The following DPP6 variants were observed in gnomAD, a reference collection of about 807,000 sequenced individuals.
DPP6 encodes dipeptidyl peptidase like 6.
A neutral mutation model predicts 122.6 loss-of-function variants in DPP6; 69 were observed. The ratio of observed to expected loss-of-function variants is 0.56; its 90% CI spans 0.46 to 0.69. DPP6 has a LOEUF of 0.69. DPP6 is among the 30% of genes least tolerant of loss of function. The pLI, the probability that DPP6 is intolerant of heterozygous loss-of-function variation, is 0.00. For synonymous variants in DPP6, 418 were observed against 433.1 expected (o/e 0.97, Z 0.43); for missense variants, 928 against 1,116.9 (o/e 0.83, Z 2.41).
At chr7:154,411,981 T>C (rs181108402) in intron 1 of DPP6, among the ~76,000 whole-genome samples, 1 of 152,228 alleles carries the variant, frequency 6.6e-6, no homozygotes, top group East Asian at 1.9e-4. Flanking sequence ...GAACTTGACT[T>C]CTCACCATTC....
chr7:154,785,601 C>T (rs147031869), intron 10 of DPP6, among the ~76,000 whole-genome samples: 75 of 152,322 alleles, frequency 4.9e-4, no homozygotes, highest in African/African-American at 1.6e-3. Context: ...CCCTTTCCTA[C>T]AAGTCCCTTT....
At chr7:154,590,722 C>T (rs543722688) in intron 5 of DPP6, among the ~76,000 whole-genome samples, 9 of 150,676 alleles carry the variant, frequency 6.0e-5, no homozygotes, top group South Asian at 2.1e-4. Context: ...TTAGTAGAGA[C>T]GGGGTTTCTC....
chr7:154,697,289 C>T (rs904727971), intron 7 of DPP6, among the ~76,000 whole-genome samples: 8 of 152,202 alleles, frequency 5.3e-5, no homozygotes, highest in Admixed American at 6.5e-5. Context: ...CAACCCAGGC[C>T]GCCATGACCG....
intron 1 of DPP6, among the ~76,000 whole-genome samples, chr7:153,921,548 A>C (rs140287818): frequency 1.0e-3 from 156 of 152,354 alleles, no homozygotes; most frequent in Middle Eastern, 3.4e-3. Context: ...CGTTTGATCC[A>C]GTAAAGTGTG....
At chr7:153,803,377 C>T in the DPP6 span, among the ~76,000 whole-genome samples, 2 of 151,392 alleles carry the variant, frequency 1.3e-5, no homozygotes, top group African/African-American at 2.4e-5. Context: ...CTTCCCCAAT[C>T]CATTGGGGCA....
intron 3 of DPP6, among the ~76,000 whole-genome samples, chr7:154,479,580 G>GAAAAAAAAGAAAAAAAAAAGAAAAGAAAA (rs769448415): frequency 7.1e-6 from 1 of 141,794 alleles, no homozygotes; most frequent in Non-Finnish European, 1.5e-5. Flanking sequence ...AAAAAGAAAA[G>GAAAAAAAAGAAAAAAAAAAGAAAAGAAAA]AAAAGAAAAA....
At chr7:154,202,989 G>A (rs1799251621) in intron 1 of DPP6, among the ~76,000 whole-genome samples, 1 of 152,104 alleles carries the variant, frequency 6.6e-6, no homozygotes, top group Non-Finnish European at 1.5e-5. Context: ...TACATAATAA[G>A]GATTGACAAT....
chr7:154,289,756 T>C lies in DPP6; in HGVS notation c.244-156458T>C, dbSNP rs575060708. Among the ~76,000 whole-genome samples the C allele has an allele frequency of 2.0e-5, 3 of 149,950 alleles. No homozygotes were observed. The East Asian group carries it at 5.8e-4, about 29-fold the overall frequency. Reference sequence around the variant, plus strand: ...ATAACTTAATTTTTACACATTGAATTTTGATGTATTTATTTGTCATTGCCT... The same window carrying C: ...ATAACTTAATTTTTACACATTGAATCTTGATGTATTTATTTGTCATTGCCT... On this transcript the variant is annotated intron_variant, in intron 1 of 25. Transcript: ENST00000377770.
Position 154,887,670 on chromosome 7 carries a change from G to T in DPP6, c.2246-6G>T, listed in dbSNP as rs730880075. 4.3e-6 allele frequency: 7 copies of T among 1,613,710 alleles called. No homozygotes were observed. The highest frequency in any genetic ancestry group is 1.3e-5 in the African/African-American group (1 of 74,924). On this transcript the variant is annotated splice_region_variant and splice_polypyrimidine_tract_variant and intron_variant, in intron 22 of 25. Coordinates refer to ENST00000377770, the MANE Select transcript of DPP6 (RefSeq NM_130797.4). The stretch of plus-strand genomic sequence containing the variant: ...AGGTAACCTCCCTCCCTTTGCTTCC[G>T]TGCAGCCTCTGCGTTTTCCGAGAGG...
At position 154,553,444 on chromosome 7, in the gene DPP6, C is replaced by A. The variant is rs185749522; in HGVS notation, c.552+12818C>A. On this transcript the variant is annotated intron_variant, in intron 4 of 25. Coordinates refer to ENST00000377770, the MANE Select transcript of DPP6 (RefSeq NM_130797.4). ...GCTACTGCAAGGTATATGCAGAGTT[C>A]ATTAACTAATAGTTGATATTTTGAG... Among the ~76,000 whole-genome samples the A allele has an allele frequency of 2.6e-4, 39 of 152,248 alleles. 1 individual carries two copies. Among genetic ancestry groups the A allele is most frequent in the Non-Finnish European group, 1.5e-5 (1 of 68,010 alleles).
At chr7:153,888,430 G>A (rs1188949417) in intron 1 of DPP6, among the ~76,000 whole-genome samples, 1 of 152,188 alleles carries the variant, frequency 6.6e-6, no homozygotes, top group Non-Finnish European at 1.5e-5. Context: ...AACTTTCTAA[G>A]TGGAGGACCC....
At chr7:154,347,253 G>T (rs183339703) in intron 1 of DPP6, among the ~76,000 whole-genome samples, 16 of 152,316 alleles carry the variant, frequency 1.1e-4, no homozygotes, top group Non-Finnish European at 1.6e-4. Flanking sequence ...TCGATTCAGG[G>T]TTTGAAAAGT....
chr7:154,339,638 AG>A (rs199644457), intron 1 of DPP6, among the ~76,000 whole-genome samples: 1 of 30,054 alleles, frequency 3.3e-5, no homozygotes, highest in Non-Finnish European at 5.2e-5. Flanking sequence ...TAAACACACT[AG>A]TTTTTTTTTT....
At chr7:153,807,357 C>T in the DPP6 span, among the ~76,000 whole-genome samples, 1 of 151,206 alleles carries the variant, frequency 6.6e-6, no homozygotes, top group African/African-American at 2.4e-5. Flanking sequence ...GAGCCGAGAT[C>T]GTGCCACAGC....
chr7:154,504,129 G>A (rs544349935), intron 3 of DPP6, among the ~76,000 whole-genome samples: 2 of 152,270 alleles, frequency 1.3e-5, no homozygotes, highest in African/African-American at 2.4e-5. Context: ...CCTTAATAGT[G>A]TTTAGAGCAT....
chr7:154,401,242 T>A (rs956128921), intron 1 of DPP6, among the ~76,000 whole-genome samples: 12 of 151,600 alleles, frequency 7.9e-5, no homozygotes, highest in African/African-American at 2.9e-4. Context: ...TATTACTGGC[T>A]GCCCCCTTTG....
the DPP6 span, among the ~76,000 whole-genome samples, chr7:153,845,725 T>C: frequency 4.4e-3 from 670 of 152,226 alleles, 8 homozygotes; most frequent in African/African-American, 0.016. Context: ...AAATATTCTA[T>C]TTCTGTTCTC....
intron 4 of DPP6, among the ~76,000 whole-genome samples, chr7:154,566,401 C>T (rs1017505284): frequency 6.6e-6 from 1 of 152,142 alleles, no homozygotes; most frequent in African/African-American, 2.4e-5. Context: ...CATGCCTCAG[C>T]CTCCCAAGTA....
intron 12 of DPP6, among the ~76,000 whole-genome samples, chr7:154,796,658 A>T (rs1294967937): frequency 6.6e-6 from 1 of 152,212 alleles, no homozygotes; most frequent in African/African-American, 2.4e-5. Context: ...CTTCAGTCTC[A>T]TGAATTATGG....
Sources: gnomAD v4.1 joint callset for allele counts (sites outside exome capture counted in the v4.1 genomes callset) on GRCh38, gnomAD v4.1.1 for gene constraint, MANE v1.5 for transcripts, NCBI Gene and HGNC (gene_info 2026-07-23, HGNC 2026-07-21) for gene names.